Variants in RGS6 observed in about 807,000 individuals in gnomAD.
The protein encoded by RGS6 is regulator of G protein signaling 6, also known as regulator of G-protein signaling 6.
Under a neutral mutation model 78.5 loss-of-function variants are expected in RGS6, and 30 were observed. The observed-to-expected ratio is 0.38, with a 90% CI of 0.29 to 0.52. RGS6 has a LOEUF of 0.52. RGS6 is among the 20% of genes least tolerant of loss of function. The pLI is 0.85. For synonymous variants in RGS6, 206 were observed against 206.0 expected, an observed-to-expected ratio of 1.00 and a Z score of 0.00; for missense variants, 495 against 609.7, an observed-to-expected ratio of 0.81 and a Z score of 1.98.
intron 2 of RGS6, among the ~76,000 whole-genome samples, chr14:72,320,516 T>C (rs576119931): frequency 1.6e-3 from 247 of 152,036 alleles, no homozygotes; most frequent in African/African-American, 5.7e-3. Flanking sequence ...AGGCAGAGCT[T>C]GCAGTGAGCA....
the RGS6 span, among the ~76,000 whole-genome samples, chr14:72,614,594 G>T: frequency 6.6e-6 from 1 of 151,854 alleles, no homozygotes; most frequent in East Asian, 1.9e-4. Flanking sequence ...CTCCCTCACT[G>T]CCTTCTCTCC....
At chr14:72,349,115 C>T (rs1352560620) in intron 2 of RGS6, among the ~76,000 whole-genome samples, 8 of 152,112 alleles carry the variant, frequency 5.3e-5, no homozygotes, top group African/African-American at 1.4e-4. Flanking sequence ...TGCAGTGAGC[C>T]TAGATCACGC....
intron 2 of RGS6, among the ~76,000 whole-genome samples, chr14:72,158,111 G>A (rs2096798739): frequency 6.6e-6 from 1 of 152,144 alleles, no homozygotes; most frequent in Non-Finnish European, 1.5e-5. Flanking sequence ...CACAGACTGG[G>A]TGGCTTCAAC....
intron 2 of RGS6, among the ~76,000 whole-genome samples, chr14:72,145,052 G>A (rs1347263164): frequency 1.3e-5 from 2 of 152,074 alleles, no homozygotes; most frequent in Admixed American, 6.6e-5. Context: ...ATGTTCCTGG[G>A]TGGAATGGCA....
At chr14:72,365,840 A>G (rs77845066) in intron 3 of RGS6, among the ~76,000 whole-genome samples, 14,439 of 152,160 alleles carry the variant, frequency 0.095, 730 homozygotes, top group East Asian at 0.18. Context: ...TATACCCAAG[A>G]TAAGGACTTG....
At chr14:72,184,470 T>C (rs560840627) in intron 2 of RGS6, among the ~76,000 whole-genome samples, 3 of 149,822 alleles carry the variant, frequency 2.0e-5, no homozygotes, top group East Asian at 4.0e-4. Context: ...AGGGAAACCA[T>C]GAAAATGGTA....
intron 2 of RGS6, among the ~76,000 whole-genome samples, chr14:72,296,852 C>T (rs985543142): frequency 6.6e-6 from 1 of 152,110 alleles, no homozygotes; most frequent in South Asian, 2.1e-4. Context: ...ATCTTGCCTT[C>T]CTCAAAGTCA....
At chr14:71,933,929 T>C (rs1003742704) in intron 1 of RGS6, among the ~76,000 whole-genome samples, 1 of 152,168 alleles carries the variant, frequency 6.6e-6, no homozygotes, top group Non-Finnish European at 1.5e-5. Flanking sequence ...TGTGTGTGTA[T>C]GGTCTGTCAA....
intron 17 of RGS6, chr14:72,547,418 GGAAA>G: frequency 3.4e-6 from 4 of 1,175,856 alleles, no homozygotes; most frequent in Non-Finnish European, 4.8e-6. Context: ...AGCTCCTGGT[GGAAA>G]CAACAGGGGA....
rs1260147055 is a variant in RGS6, at chr14:72,465,760, A to G, written c.397A>G (p.Ile133Val). 1.2e-6 allele frequency: 2 copies of G among 1,612,898 alleles called. No individual in the cohort carries two copies. The highest frequency in any genetic ancestry group is 4.5e-5 in the East Asian group (2 of 44,870). Residue 133 changes from isoleucine to valine, a missense_variant and splice_region_variant, in exon 7 of 18, where the codon ATC (isoleucine) becomes GTC (valine). Coordinates refer to ENST00000553525, the MANE Select transcript of RGS6 (RefSeq NM_001204424.2). ...CWEPENTDYAIYLCKRTMQNK... is the reference protein window; with the variant it reads ...CWEPENTDYAVYLCKRTMQNK... ...TGTCATTTCCTTTCTTCCCTCAGCCATCTATCTCTGTAAGAGGACAATGCA... is the reference window on the plus strand; with the variant it reads ...TGTCATTTCCTTTCTTCCCTCAGCCGTCTATCTCTGTAAGAGGACAATGCA...
At chr14:72,494,084 T>C (rs894153760) in intron 12 of RGS6, among the ~76,000 whole-genome samples, 2 of 152,194 alleles carry the variant, frequency 1.3e-5, no homozygotes, top group African/African-American at 4.8e-5. Flanking sequence ...GACTAAAGAC[T>C]TCAGGAAAGA....
At chr14:72,561,329 C>CCCTT (rs1413403815) in intron 17 of RGS6, among the ~76,000 whole-genome samples, 1 of 152,188 alleles carries the variant, frequency 6.6e-6, no homozygotes, top group Non-Finnish European at 1.5e-5. Flanking sequence ...TCACGTGCTG[C>CCCTT]CCTTCACAGA....
intron 2 of RGS6, among the ~76,000 whole-genome samples, chr14:72,073,724 A>AT (rs542384691): frequency 6.6e-6 from 1 of 151,816 alleles, no homozygotes; most frequent in East Asian, 1.9e-4. Context: ...GCTGGAATAA[A>AT]TTTTTTTTTC....
chr14:72,528,955 A>G (rs1248842816), intron 15 of RGS6, among the ~76,000 whole-genome samples: 1 of 152,228 alleles, frequency 6.6e-6, no homozygotes, highest in Non-Finnish European at 1.5e-5. Context: ...CCTGGCAGTG[A>G]TAAACTCATT....
At chr14:72,295,740 G>A (rs992224598) in intron 2 of RGS6, among the ~76,000 whole-genome samples, 2 of 152,194 alleles carry the variant, frequency 1.3e-5, no homozygotes, top group African/African-American at 4.8e-5. Flanking sequence ...GATTTAAGCA[G>A]CCAGTGGGAA....
In RGS6 at chr14:71,974,802, T is replaced by C. The variant is rs145340040; in HGVS notation, c.84+9927T>C. ...CTGAAATAATTTTTAGTATTTTCTT[T>C]AGTGCAGGTCTGCTGAAGATAAATT... On this transcript the variant is annotated intron_variant, in intron 2 of 17. Transcript: ENST00000553525. Among the ~76,000 whole-genome samples the C allele has an allele frequency of 3.1e-3, 477 of 152,346 alleles. 4 individuals carry two copies. Among genetic ancestry groups the C allele is most frequent in the African/African-American group, 0.011 (457 of 41,568 alleles).
chr14:72,070,563 A>T (rs1182216549), intron 2 of RGS6, among the ~76,000 whole-genome samples: 2 of 152,030 alleles, frequency 1.3e-5, no homozygotes, highest in Admixed American at 6.5e-5. Flanking sequence ...TGGAGATGAG[A>T]TCCTTTTAGC....
chr14:72,428,844 C>T (rs2094522465), intron 3 of RGS6, among the ~76,000 whole-genome samples: 1 of 152,188 alleles, frequency 6.6e-6, no homozygotes, highest in African/African-American at 2.4e-5. Context: ...TGGTTGTCAA[C>T]TGGATGAGGT....
chr14:71,868,508 A>G, the RGS6 span, among the ~76,000 whole-genome samples: 1 of 152,230 alleles, frequency 6.6e-6, no homozygotes, highest in Non-Finnish European at 1.5e-5. Context: ...AAAGTTGTCC[A>G]GTTGACCATA....
Sources: allele counts gnomAD v4.1 joint callset (sites outside exome capture counted in the v4.1 genomes callset), GRCh38; gene constraint gnomAD v4.1.1; transcripts MANE v1.5; gene names NCBI Gene and HGNC (gene_info 2026-07-23, HGNC 2026-07-21).